The following TDRD12 variants were observed in gnomAD, a reference collection of about 807,000 sequenced individuals.
TDRD12 encodes the protein tudor domain containing 12.
TDRD12 carries 158 observed loss-of-function variants against 133.5 expected under a neutral mutation model. The ratio of observed to expected loss-of-function variants is 1.18; its 90% CI spans 1.04 to 1.35. TDRD12 has a LOEUF of 1.35. Ranked by LOEUF, TDRD12 falls within the 40% of genes most tolerant of loss-of-function variation. The pLI is 0.00. For synonymous variants in TDRD12, 460 were observed against 477.9 expected (o/e 0.96, Z 0.49); for missense variants, 1,443 against 1,321.3 (o/e 1.09, Z -1.43).
At position 32,798,398 on chromosome 19, in the gene TDRD12, A is replaced by T. The variant is rs1169679036; in HGVS notation, c.1721A>T (p.Asp574Val). The change falls in exon 16 of 28, where the codon GAT becomes GTT. Residue 574 changes from aspartate (D) to valine (V), a missense_variant. Transcript: ENST00000444215. ...CTCAGGCTCTGCCACCTGATCCTGG[A>T]TGAGGTAGAGGTGCTATTCTTGGAA... The T allele has an allele frequency of 2.0e-6, 3 of 1,535,924 alleles. No individual in the cohort carries two copies. In the Admixed American group the frequency reaches 5.9e-5, roughly 30 times the overall value.
At chr19:32,827,100 T>C (rs1181359377) in intron 9 of TDRD12, 64 bp from the exon 33 acceptor site, 4 of 914,386 alleles carry the variant, frequency 4.4e-6, no homozygotes, top group Non-Finnish European at 4.3e-6. Flanking sequence ...ACCCAAATAA[T>C]GGGGGGAAAT....
chr19:32,780,306 G>A (rs1469991602), intron 11 of TDRD12, among the ~76,000 whole-genome samples: 2 of 151,896 alleles, frequency 1.3e-5, no homozygotes, highest in Non-Finnish European at 2.9e-5. Flanking sequence ...GGCTGGTCTC[G>A]AACTCCTGAC....
intron 1 of TDRD12, among the ~76,000 whole-genome samples, chr19:32,723,102 C>T (rs1180605014): frequency 6.6e-6 from 1 of 152,172 alleles, no homozygotes; most frequent in African/African-American, 2.4e-5. Context: ...ACGTGATTAT[C>T]TAACTGTTCC....
intron 25 of TDRD12, among the ~76,000 whole-genome samples, chr19:32,815,235 G>A (rs898564115): frequency 3.3e-5 from 5 of 152,218 alleles, no homozygotes; most frequent in African/African-American, 1.2e-4. Context: ...CCATATTTCT[G>A]TGGCATGGGG....
At chr19:32,810,592 G>A (rs1005434431) in intron 23 of TDRD12, among the ~76,000 whole-genome samples, 10 of 152,236 alleles carry the variant, frequency 6.6e-5, no homozygotes, top group African/African-American at 2.2e-4. Flanking sequence ...CAGCCTTGGC[G>A]ATGTTACGAA....
intron 1 of TDRD12, among the ~76,000 whole-genome samples, chr19:32,722,841 G>A (rs1339311796): frequency 1.3e-5 from 2 of 151,822 alleles, no homozygotes; most frequent in East Asian, 3.9e-4. Flanking sequence ...CACCACAGCC[G>A]GCTAATTTTT....
chr19:32,744,521 A>AAAAAAAAAG (rs1969538976), intron 4 of TDRD12, among the ~76,000 whole-genome samples: 1 of 150,780 alleles, frequency 6.6e-6, no homozygotes, highest in African/African-American at 2.4e-5. Flanking sequence ...AAAAAAAAAA[A>AAAAAAAAAG]AAACAAAAGA....
chr19:32,722,159 C>T (rs1352938799), intron 1 of TDRD12, among the ~76,000 whole-genome samples: 1 of 152,158 alleles, frequency 6.6e-6, no homozygotes, highest in Non-Finnish European at 1.5e-5. Context: ...ATCCACCAGG[C>T]GAGCTCCTCT....
intron 1 of TDRD12, among the ~76,000 whole-genome samples, chr19:32,721,419 CTTG>C (rs1213601885): frequency 6.6e-6 from 1 of 151,960 alleles, no homozygotes; most frequent in East Asian, 1.9e-4. Flanking sequence ...GAGTTTCGCT[CTTG>C]TTGTCTAGGC....
chr19:32,748,655 C>T lies in TDRD12; in HGVS notation c.496+124C>T, dbSNP rs1758272521. 4.6e-6 allele frequency: 4 copies of T among 877,584 alleles called. No individual in the cohort carries two copies. In the South Asian group the frequency reaches 7.3e-5, roughly 16 times the overall value. 54.4% of individuals were successfully genotyped at this position (877,584 alleles called of 1,614,324 possible). ...AAACGGCCCTCCTCAGAGGAGTTCC[C>T]TAAGCTACCTGGGGCTTCCTCCAGC... is the stretch of plus-strand genomic sequence containing the variant. On this transcript the variant is annotated intron_variant, in intron 5 of 27. Transcript: ENST00000444215.
chr19:32,777,694 GAGTGC>G (rs1192627287), intron 11 of TDRD12, among the ~76,000 whole-genome samples: 7 of 150,444 alleles, frequency 4.7e-5, no homozygotes, highest in Non-Finnish European at 8.9e-5. Flanking sequence ...ATTTAGGCTG[GAGTGC>G]AGTGGTGCAG....
chr19:32,720,137 T>TGCC, intron 1 of TDRD12, 41 bp downstream of exon 1: 1 of 1,520,030 alleles, frequency 6.6e-7, no homozygotes, highest in Non-Finnish European at 8.8e-7. Flanking sequence ...ACCCACGCAG[T>TGCC]CCCCCACCCC....
chr19:32,794,165 GCA>G (rs1971154596), intron 13 of TDRD12, among the ~76,000 whole-genome samples: 1 of 135,672 alleles, frequency 7.4e-6, no homozygotes, highest in Non-Finnish European at 1.5e-5. Context: ...GAGTGCAGTG[GCA>G]CAGTCTTGGC....
chr19:32,818,243 G>A (rs1967253498), intron 27 of TDRD12, 86 bp downstream of exon 27: 1 of 632,660 alleles, frequency 1.6e-6, no homozygotes, highest in Non-Finnish European at 2.8e-6. Flanking sequence ...GGGACACCTG[G>A]GAGGAGTCTC....
chr19:32,751,996 C>G (rs1055870328), intron 6 of TDRD12, among the ~76,000 whole-genome samples: 1 of 152,214 alleles, frequency 6.6e-6, no homozygotes, highest in South Asian at 2.1e-4. Flanking sequence ...GCCTCAGCCT[C>G]CTGAGCAGCT....
intron 6 of TDRD12, 78 bp from the exon 7 acceptor site, chr19:32,755,914 G>A: frequency 9.1e-7 from 1 of 1,096,030 alleles, no homozygotes; most frequent in Non-Finnish European, 1.2e-6. Context: ...GAACTTTGGG[G>A]TTAAGTTTGG....
rs148435062 is a variant in TDRD12, at chr19:32,760,582, A to G, written c.865+3452A>G. Among the ~76,000 whole-genome samples the G allele has an allele frequency of 2.9e-3, 437 of 152,300 alleles. 2 individuals are homozygous for G. Among genetic ancestry groups the G allele is most frequent in the African/African-American group, 9.8e-3 (409 of 41,580 alleles). On this transcript the variant is annotated intron_variant, in intron 8 of 27. Coordinates refer to ENST00000444215, the Ensembl canonical transcript of TDRD12. ...TCCCCTAGAGATAAACTCACTTTTT[A>G]AAGTTGTTTATTTTGGTATTATCTC...
exon 9 of TDRD12, chr19:32,826,511 C>G: frequency 4.8e-6 from 6 of 1,253,506 alleles, no homozygotes; most frequent in Non-Finnish European, 6.0e-6. Context: ...GGAAAGATGA[C>G]TGCCAATGTG....
exon 1 of TDRD12, chr19:32,719,876 G>A: frequency 1.6e-6 from 1 of 638,308 alleles, no homozygotes; most frequent in Non-Finnish European, 2.7e-6. Flanking sequence ...ATTGCCTCGA[G>A]CCGACCCCGG....
Sources: allele counts gnomAD v4.1 joint callset (sites outside exome capture counted in the v4.1 genomes callset), GRCh38; gene constraint gnomAD v4.1.1; transcripts MANE v1.5; gene names NCBI Gene and HGNC (gene_info 2026-07-23, HGNC 2026-07-21).